The following CELF2 variants were observed in gnomAD, a reference collection of about 807,000 sequenced individuals.
CELF2 encodes the protein CUGBP Elav-like family member 2, also known as CUG triplet repeat RNA-binding protein 2.
Under a neutral mutation model 62.6 loss-of-function variants are expected in CELF2, and 8 were observed. That is an observed-to-expected ratio of 0.13 (90% confidence interval 0.07 to 0.23). CELF2 has a LOEUF of 0.23. Among genes scored for constraint, CELF2 ranks in the 10% least tolerant of loss-of-function variants. CELF2 has a pLI of 1.00. For synonymous variants in CELF2, 258 were observed against 250.0 expected (o/e 1.03, Z -0.30); for missense variants, 333 against 671.0 (o/e 0.50, Z 5.56).
Position 10,817,205 on chromosome 10 carries a change from A to AT in CELF2, c.53+18393dup, listed in dbSNP as rs538299173. ...CATGAGGGTTTTTTTCCTTTTTTTA[A>AT]TTTTTGTGGGTACATAGTGGGTGTA... On this transcript the variant is annotated intron_variant, in intron 1 of 13. Coordinates refer to the CELF2 transcript ENST00000636488. Among the ~76,000 whole-genome samples, 69 of 152,202 alleles carry AT rather than the reference A, an allele frequency of 4.5e-4. 1 individual carries two copies. In the East Asian group the frequency reaches 0.013, roughly 28 times the overall value.
chr10:11,184,750 C>T (rs2074374679), intron 2 of CELF2, among the ~76,000 whole-genome samples: 1 of 152,164 alleles, frequency 6.6e-6, no homozygotes, highest in Non-Finnish European at 1.5e-5. Flanking sequence ...GATTATGTAT[C>T]CTACAACCTT....
At chr10:11,090,862 A>T (rs931348964) in intron 1 of CELF2, among the ~76,000 whole-genome samples, 5 of 152,238 alleles carry the variant, frequency 3.3e-5, no homozygotes, top group African/African-American at 9.6e-5. Flanking sequence ...GTTAAAAATC[A>T]TATGTGCATA....
chr10:10,642,424 C>T, the CELF2 span, among the ~76,000 whole-genome samples: 2 of 152,192 alleles, frequency 1.3e-5, no homozygotes, highest in South Asian at 2.1e-4. Flanking sequence ...CTGCATTAAA[C>T]AGTGATGTCA....
chr10:11,291,598 C>T (rs933441148), intron 9 of CELF2, among the ~76,000 whole-genome samples: 5 of 152,162 alleles, frequency 3.3e-5, no homozygotes, highest in East Asian at 1.9e-4. Flanking sequence ...GAGTTTCTCA[C>T]GGGTCTTTTG....
At chr10:10,630,599 G>A in the CELF2 span, among the ~76,000 whole-genome samples, 40 of 152,222 alleles carry the variant, frequency 2.6e-4, no homozygotes, top group Admixed American at 9.2e-4. Context: ...ACGTTTTGTA[G>A]CCACTAAACC....
chr10:10,577,020 G>A, the CELF2 span, among the ~76,000 whole-genome samples: 2 of 152,192 alleles, frequency 1.3e-5, no homozygotes, highest in African/African-American at 4.8e-5. Context: ...AAAGGGGAAT[G>A]CAGCCATCAA....
the CELF2 span, among the ~76,000 whole-genome samples, chr10:10,574,971 G>A: frequency 1.3e-5 from 2 of 151,054 alleles, no homozygotes; most frequent in African/African-American, 4.9e-5. Flanking sequence ...ACCCACCTTG[G>A]CCTCCGAAAG....
At chr10:10,765,219 G>A in the CELF2 span, among the ~76,000 whole-genome samples, 41 of 152,300 alleles carry the variant, frequency 2.7e-4, no homozygotes, top group African/African-American at 9.6e-4. Context: ...TGGAAAAATT[G>A]CCCCACGCTT....
At chr10:10,797,920 C>A (rs141671584), upstream of CELF2, among the ~76,000 whole-genome samples, 8 of 152,288 alleles carry the variant, frequency 5.3e-5, no homozygotes, top group Non-Finnish European at 1.0e-4. Context: ...AAACATCTCT[C>A]ATGCACAATT....
At chr10:10,605,206 G>A in the CELF2 span, among the ~76,000 whole-genome samples, 1 of 152,098 alleles carries the variant, frequency 6.6e-6, no homozygotes, top group African/African-American at 2.4e-5. Context: ...TCACATATAA[G>A]TGGGAGCTGA....
In CELF2 at chr10:10,870,738, C is replaced by A. The variant is rs1051232780; in HGVS notation, c.54-49226C>A. Among the ~76,000 whole-genome samples, 4 of 152,158 alleles carry A rather than the reference C, an allele frequency of 2.6e-5. No homozygotes were observed. In the East Asian group the frequency reaches 7.7e-4, roughly 29 times the overall value. On this transcript the variant is annotated intron_variant, in intron 1 of 13. Coordinates refer to the CELF2 transcript ENST00000636488. ...TAAATCCGTGTGGTCTTTAACCCAC[C>A]GCCCGCCCAGCCTTCTGCGGTCAGG...
At chr10:10,768,941 G>A in the CELF2 span, among the ~76,000 whole-genome samples, 2 of 152,050 alleles carry the variant, frequency 1.3e-5, no homozygotes, top group African/African-American at 2.4e-5. Context: ...TTGCAGTACT[G>A]GTAATGCATG....
At chr10:10,703,532 T>G in the CELF2 span, among the ~76,000 whole-genome samples, 1 of 152,220 alleles carries the variant, frequency 6.6e-6, no homozygotes, top group Non-Finnish European at 1.5e-5. Context: ...AACACAGCCC[T>G]TTCTACTATC....
chr10:11,029,860 C>T (rs901516790), intron 1 of CELF2, among the ~76,000 whole-genome samples: 6 of 152,212 alleles, frequency 3.9e-5, no homozygotes, highest in Non-Finnish European at 8.8e-5. Flanking sequence ...TTCAGTTGGG[C>T]CAACAGTTTT....
the CELF2 span, among the ~76,000 whole-genome samples, chr10:10,495,099 A>G: frequency 0.13 from 19,838 of 151,440 alleles, 2,710 homozygotes; most frequent in African/African-American, 0.35. Flanking sequence ...ACATGGTGAA[A>G]CCCCGTCTCT....
chr10:10,979,382 C>T lies in CELF2; in HGVS notation c.89+59383C>T, dbSNP rs2051764705. On this transcript the variant is annotated intron_variant, in intron 2 of 13. Coordinates refer to the CELF2 transcript ENST00000636488. Reference sequence around the variant, plus strand: ...GTGATAATAATTCTAATAAAAATTACATCAGAAGCCTGACGCTGTGCCTCA... The same window carrying T: ...GTGATAATAATTCTAATAAAAATTATATCAGAAGCCTGACGCTGTGCCTCA... 2.0e-5 allele frequency among the ~76,000 whole-genome samples: 3 copies of T among 152,072 alleles called. No individual in the cohort carries two copies. The South Asian group carries it at 6.2e-4, about 32-fold the overall frequency.
chr10:11,077,673 C>T (rs2072493211), intron 1 of CELF2, among the ~76,000 whole-genome samples: 1 of 152,170 alleles, frequency 6.6e-6, no homozygotes, highest in South Asian at 2.1e-4. Flanking sequence ...CGTTTATCGT[C>T]GTGTGAAACA....
the CELF2 span, among the ~76,000 whole-genome samples, chr10:10,561,185 C>T: frequency 4.6e-5 from 7 of 152,054 alleles, no homozygotes; most frequent in Non-Finnish European, 8.8e-5. Flanking sequence ...TTAAAAATTT[C>T]CTCTTCTATT....
chr10:10,826,107 A>C (rs1443932080), intron 1 of CELF2, among the ~76,000 whole-genome samples: 2 of 152,146 alleles, frequency 1.3e-5, no homozygotes, highest in Admixed American at 6.5e-5. Flanking sequence ...GATTTCTAAT[A>C]TATTATTCCT....
Sources: allele counts gnomAD v4.1 joint callset (sites outside exome capture counted in the v4.1 genomes callset), GRCh38; gene constraint gnomAD v4.1.1; transcripts MANE v1.5; gene names NCBI Gene and HGNC (gene_info 2026-07-23, HGNC 2026-07-21).